ITGA2: variants seen among roughly 807,000 people sequenced by gnomAD.
The protein encoded by ITGA2 is integrin alpha-2.
A neutral mutation model predicts 146.3 loss-of-function variants in ITGA2; 101 were observed. The observed-to-expected ratio is 0.69, with a 90% confidence interval of 0.59 to 0.81. ITGA2 has a LOEUF of 0.81. Among genes scored for constraint, ITGA2 ranks in the 40% least tolerant of loss-of-function variants. ITGA2 has a pLI of 0.00. For synonymous variants in ITGA2, 477 were observed against 487.1 expected, an observed-to-expected ratio of 0.98 and a Z score of 0.27; for missense variants, 1,281 against 1,402.7, an observed-to-expected ratio of 0.91 and a Z score of 1.39.
Position 53,059,986 on chromosome 5 carries a change from A to G in ITGA2, c.1286A>G (p.Gln429Arg). The change falls in exon 11 of 30, where the codon CAG (glutamine) becomes CGG (arginine). Residue 429 changes from glutamine (Q) to arginine (R), a missense_variant. Gln to Arg is a conservative substitution (Grantham distance 43). Coordinates refer to ENST00000296585, the MANE Select transcript of ITGA2 (RefSeq NM_002203.4). ...FPKQAFDQIL[Q>R]DRNHSSYLGY... ...AAACAAGCCTTTGACCAAATTCTGC[A>G]GGACAGAAATCACAGTTCATATTTA... 1.2e-6 allele frequency: 2 copies of G among 1,612,284 alleles called. No homozygotes were observed. Among genetic ancestry groups the G allele is most frequent in the Non-Finnish European group, 1.7e-6 (2 of 1,178,872 alleles).
At chr5:53,007,068 A>G (rs1474605224) in intron 1 of ITGA2, among the ~76,000 whole-genome samples, 2 of 152,198 alleles carry the variant, frequency 1.3e-5, no homozygotes, top group African/African-American at 4.8e-5. Flanking sequence ...TAAAAATTCA[A>G]TGTAGCATGC....
At chr5:53,023,714 C>T (rs1357246563) in intron 1 of ITGA2, among the ~76,000 whole-genome samples, 2 of 152,086 alleles carry the variant, frequency 1.3e-5, no homozygotes, top group Non-Finnish European at 1.5e-5. Context: ...TTCTTATTAT[C>T]CATATGATTC....
Position 53,073,172 on chromosome 5 carries a change from G to A in ITGA2, c.2484G>A (p.Thr828=), listed in dbSNP as rs3212327. ...NQNKRLTFSV[T]LKNKRESAYN... ...ACAAAAGGTTAACATTTTCAGTAAC[G>A]CTGAAAAATAAAAGGGAAAGTGCAT... Residue 828 remains threonine (T), a synonymous_variant, in exon 20 of 30, where the codon ACG becomes ACA. Transcript: ENST00000296585. 0.09 allele frequency: 145,337 copies of A among 1,611,408 alleles called. 7,354 individuals are homozygous for A. The highest frequency in any genetic ancestry group is 0.19 in the African/African-American group (14,088 of 74,764).
chr5:53,049,942 A>T (rs75324398), intron 6 of ITGA2, among the ~76,000 whole-genome samples: 71 of 152,256 alleles, frequency 4.7e-4, no homozygotes, highest in African/African-American at 1.6e-3. Context: ...ATGTTGTTAT[A>T]TGTTTCTCCC....
intron 5 of ITGA2, 56 bp downstream of exon 5, chr5:53,048,533 A>G (rs1266149928): frequency 7.5e-6 from 12 of 1,603,202 alleles, no homozygotes; most frequent in African/African-American, 1.3e-5. Flanking sequence ...AAGGAGGGGG[A>G]AAAGGTTATC....
intron 16 of ITGA2, 75 bp downstream of exon 16, chr5:53,067,332 G>T: frequency 6.5e-7 from 1 of 1,548,098 alleles, no homozygotes; most frequent in South Asian, 1.1e-5. Flanking sequence ...AACATATTTT[G>T]GTTTGTAGGC....
chr5:53,073,307 A>G, intron 20 of ITGA2, 48 bp downstream of exon 20: 2 of 1,593,326 alleles, frequency 1.3e-6, no homozygotes, highest in Non-Finnish European at 1.7e-6. Context: ...TCCTACTTAT[A>G]GATCACTGTC....
rs756802239 is a variant in ITGA2, at chr5:53,062,875, C to T, written c.1548C>T (p.Tyr516=). Residue 516 remains tyrosine (Y), a synonymous_variant, in exon 13 of 30, where the codon TAC becomes TAT. Transcript: ENST00000296585. ...TGCTCTTGGTAGGTGCACCAATGTA[C>T]ATGAGTGACCTAAAGAAAGAGGAAG... ...TDVLLVGAPM[Y]MSDLKKEEGR... is the part of the protein sequence containing the mutation. 2 of 1,609,616 alleles carry T rather than the reference C, an allele frequency of 1.2e-6. No individual in the cohort carries two copies. Among genetic ancestry groups the T allele is most frequent in the South Asian group, 1.1e-5 (1 of 90,962 alleles).
intron 17 of ITGA2, 113 bp from the exon 18 acceptor site, chr5:53,071,825 G>T: frequency 1.3e-6 from 1 of 753,408 alleles, no homozygotes; most frequent in South Asian, 1.5e-5. Context: ...ATTGAGAGCT[G>T]ACTGTGCTCT....
intron 1 of ITGA2, among the ~76,000 whole-genome samples, chr5:52,991,063 C>T (rs568501818): frequency 6.6e-6 from 1 of 152,168 alleles, no homozygotes; most frequent in South Asian, 2.1e-4. Context: ...TGGAATGTAA[C>T]GCTGCAAGGC....
intron 1 of ITGA2, among the ~76,000 whole-genome samples, chr5:53,020,809 G>A (rs1742644310): frequency 6.6e-6 from 1 of 150,872 alleles, no homozygotes; most frequent in Non-Finnish European, 1.5e-5. Flanking sequence ...AGCCTCCCGA[G>A]TAGCTGGGAC....
chr5:53,056,991 AT>A (rs1561129366), intron 9 of ITGA2, among the ~76,000 whole-genome samples: 1 of 151,950 alleles, frequency 6.6e-6, no homozygotes, highest in Non-Finnish European at 1.5e-5. Flanking sequence ...TCAAATCTTG[AT>A]TTGATTATCC....
intron 2 of ITGA2, among the ~76,000 whole-genome samples, chr5:53,037,154 G>C (rs1743527692): frequency 6.6e-6 from 1 of 152,144 alleles, no homozygotes; most frequent in East Asian, 1.9e-4. Flanking sequence ...ACTAAACAAA[G>C]TATTTTGAAT....
At chr5:53,052,449 C>G (rs1381407027) in intron 7 of ITGA2, among the ~76,000 whole-genome samples, 2 of 152,160 alleles carry the variant, frequency 1.3e-5, no homozygotes, top group Non-Finnish European at 2.9e-5. Flanking sequence ...TAAACACACT[C>G]CGGTTGTTAA....
chr5:53,051,266 G>C (rs1212470410), intron 6 of ITGA2, 145 bp from the exon 7 acceptor site: 8 of 774,820 alleles, frequency 1.0e-5, no homozygotes, highest in Non-Finnish European at 1.7e-5. Flanking sequence ...TGAAAGAAAA[G>C]TAACTATCAA....
At chr5:53,003,874 C>T (rs536718425) in intron 1 of ITGA2, among the ~76,000 whole-genome samples, 1 of 152,190 alleles carries the variant, frequency 6.6e-6, no homozygotes, top group South Asian at 2.1e-4. Flanking sequence ...TTGAACTCCT[C>T]AGCTCAAGCG....
chr5:53,079,785 G>T (rs1745829380), intron 24 of ITGA2, among the ~76,000 whole-genome samples: 1 of 152,102 alleles, frequency 6.6e-6, no homozygotes, highest in South Asian at 2.1e-4. Context: ...TGTGTAATAA[G>T]TATACACCAG....
chr5:53,007,837 G>A (rs1350817467), intron 1 of ITGA2, among the ~76,000 whole-genome samples: 2 of 152,126 alleles, frequency 1.3e-5, no homozygotes, highest in Non-Finnish European at 2.9e-5. Context: ...AAATGTGAAA[G>A]GGCCTCCAAA....
At chr5:52,999,417 CTTAGAA>C (rs1208420317) in intron 1 of ITGA2, among the ~76,000 whole-genome samples, 6 of 152,054 alleles carry the variant, frequency 3.9e-5, no homozygotes, top group Non-Finnish European at 8.8e-5. Flanking sequence ...TTTTACTCTA[CTTAGAA>C]TTAGTAATTT....
Sources: gnomAD v4.1 joint callset for allele counts (sites outside exome capture counted in the v4.1 genomes callset) on GRCh38, gnomAD v4.1.1 for gene constraint, MANE v1.5 for transcripts, NCBI Gene and HGNC (gene_info 2026-07-23, HGNC 2026-07-21) for gene names.